The following PSD3 variants were observed in gnomAD, a reference collection of about 807,000 sequenced individuals.
The protein encoded by PSD3 is PH and SEC7 domain-containing protein 3.
PSD3 carries 49 observed loss-of-function variants against 105.5 expected under a neutral mutation model. The ratio of observed to expected loss-of-function variants is 0.46; its 90% confidence interval spans 0.37 to 0.59. PSD3 has a LOEUF of 0.59. Among genes scored for constraint, PSD3 ranks in the 20% least tolerant of loss-of-function variants. The pLI, the probability that PSD3 is intolerant of heterozygous loss-of-function variation, is 0.00. For synonymous variants in PSD3, 557 were observed against 457.8 expected (o/e 1.22, Z -2.77); for missense variants, 1,561 against 1,263.8 (o/e 1.24, Z -3.57).
chr8:18,593,393 T>C (rs1259068620), intron 12 of PSD3, among the ~76,000 whole-genome samples: 1 of 152,188 alleles, frequency 6.6e-6, no homozygotes, highest in Non-Finnish European at 1.5e-5. Context: ...TCACTGGCCA[T>C]CACAGAAATG....
In PSD3 at chr8:18,936,044, A is replaced by C. The variant is rs1165616210; in HGVS notation, c.120T>G (p.Ala40=). The C allele has an allele frequency of 4.4e-6, 7 of 1,607,002 alleles. No individual in the cohort carries two copies. The highest frequency in any genetic ancestry group is 6.0e-6 in the Non-Finnish European group (7 of 1,174,198). The part of the protein sequence containing the change: ...EFLFGRSEGK[A]PDTSDHGGST... ...TGAGGAAATACTTACTAGTATCTGG[A>C]GCTTTCCCTTCAGATCTGCCAAATA... is the stretch of plus-strand genomic sequence containing the variant. The change falls in exon 2 of 16, where the codon GCT becomes GCG. Residue 40 remains alanine, a synonymous_variant. Coordinates refer to ENST00000327040, the MANE Select transcript of PSD3 (RefSeq NM_015310.4).
chr8:18,987,739 A>G (rs1235040349), intron 1 of PSD3, among the ~76,000 whole-genome samples: 1 of 152,118 alleles, frequency 6.6e-6, no homozygotes, highest in Non-Finnish European at 1.5e-5. Flanking sequence ...GAATCACCTG[A>G]GCCCAAGAGG....
At chr8:18,787,489 A>G (rs542350959) in intron 8 of PSD3, among the ~76,000 whole-genome samples, 75 of 152,272 alleles carry the variant, frequency 4.9e-4, no homozygotes, top group African/African-American at 1.8e-3. Flanking sequence ...AATAGATGAC[A>G]AAGTGGAAAG....
At chr8:18,608,669 G>A (rs941113290) in intron 11 of PSD3, among the ~76,000 whole-genome samples, 3 of 152,140 alleles carry the variant, frequency 2.0e-5, no homozygotes, top group Non-Finnish European at 4.4e-5. Flanking sequence ...AACGGGGAAT[G>A]AAAAGACAGT....
chr8:18,639,239 G>A (rs1485520097), intron 10 of PSD3, among the ~76,000 whole-genome samples: 2 of 151,758 alleles, frequency 1.3e-5, no homozygotes, highest in Non-Finnish European at 2.9e-5. Flanking sequence ...TTGCTTTGAA[G>A]TTTTCTACTG....
Position 18,780,130 on chromosome 8 carries a change from T to C in PSD3, c.2083-14592A>G, listed in dbSNP as rs570799928. Among the ~76,000 whole-genome samples, 5 of 152,328 alleles carry C rather than the reference T, an allele frequency of 3.3e-5. No individual in the cohort carries two copies. The South Asian group carries it at 1.0e-3, about 32-fold the overall frequency. On this transcript the variant is annotated intron_variant, in intron 8 of 15. Coordinates refer to ENST00000327040, the MANE Select transcript of PSD3 (RefSeq NM_015310.4). ...GTGTTGGGCGCACAAATATTTAGAATTGTTTAATCTTCTTGCTGAAATGGT... is the reference window on the plus strand; with the variant it reads ...GTGTTGGGCGCACAAATATTTAGAACTGTTTAATCTTCTTGCTGAAATGGT...
intron 1 of PSD3, among the ~76,000 whole-genome samples, chr8:19,061,804 A>C (rs748453530): frequency 1.1e-5 from 1 of 93,092 alleles, no homozygotes; most frequent in Admixed American, 9.4e-5. Context: ...GACTCCGTCT[A>C]AAAAAAAAAA....
intron 9 of PSD3, among the ~76,000 whole-genome samples, chr8:18,759,092 A>ACTCTCTCTCTCT (rs748135836): frequency 3.5e-5 from 5 of 143,922 alleles, no homozygotes; most frequent in African/African-American, 1.3e-4. Flanking sequence ...ACACACACAC[A>ACTCTCTCTCTCT]CTCTCTCTCT....
intron 15 of PSD3, among the ~76,000 whole-genome samples, chr8:18,542,162 C>T (rs1800189874): frequency 6.6e-6 from 1 of 152,160 alleles, no homozygotes; most frequent in African/African-American, 2.4e-5. Context: ...AGTGAGTCCT[C>T]ATTTGGATAA....
intron 9 of PSD3, among the ~76,000 whole-genome samples, chr8:18,693,642 G>A (rs1801099490): frequency 6.6e-6 from 1 of 152,212 alleles, no homozygotes; most frequent in Non-Finnish European, 1.5e-5. Context: ...CAGAGTCGGT[G>A]ACAGAGCCCC....
chr8:18,697,691 G>A (rs1314309327), intron 9 of PSD3, among the ~76,000 whole-genome samples: 1 of 152,126 alleles, frequency 6.6e-6, no homozygotes, highest in South Asian at 2.1e-4. Context: ...CTGTGATTGC[G>A]TGAATTACCT....
intron 1 of PSD3, among the ~76,000 whole-genome samples, chr8:18,949,102 G>A (rs1471355960): frequency 4.6e-4 from 68 of 148,448 alleles, no homozygotes; most frequent in Non-Finnish European, 7.8e-4. Flanking sequence ...GGCCCCTGTA[G>A]TCCCAGCTAC....
intron 1 of PSD3, among the ~76,000 whole-genome samples, chr8:18,996,070 A>G (rs1826065966): frequency 6.6e-6 from 1 of 152,022 alleles, no homozygotes; most frequent in African/African-American, 2.4e-5. Flanking sequence ...ATGTCTGGGA[A>G]ACAACTGGTC....
At chr8:18,734,229 T>TGG (rs1367470654) in intron 9 of PSD3, 4 of 152,234 alleles carry the variant, frequency 2.6e-5, no homozygotes, top group Admixed American at 6.5e-5. Context: ...AATTACTTTT[T>TGG]GTTTCAAAGC....
At chr8:18,604,688 G>C (rs538908069) in intron 11 of PSD3, among the ~76,000 whole-genome samples, 1 of 152,158 alleles carries the variant, frequency 6.6e-6, no homozygotes, top group Non-Finnish European at 1.5e-5. Flanking sequence ...AGCCCCTCTC[G>C]AGGCCTAGGA....
At chr8:18,726,122 C>G (rs766622700) in intron 9 of PSD3, among the ~76,000 whole-genome samples, 7 of 152,210 alleles carry the variant, frequency 4.6e-5, no homozygotes, top group African/African-American at 7.2e-5. Context: ...GAATGTGGTT[C>G]TCTCCTGCCT....
At chr8:18,809,654 G>A (rs1162589780) in intron 4 of PSD3, among the ~76,000 whole-genome samples, 1 of 152,126 alleles carries the variant, frequency 6.6e-6, no homozygotes, top group East Asian at 1.9e-4. Context: ...AAAACTTCCT[G>A]AAATGTTTTT....
At chr8:18,590,780 G>C (rs986356099) in intron 12 of PSD3, among the ~76,000 whole-genome samples, 1 of 152,088 alleles carries the variant, frequency 6.6e-6, no homozygotes, top group Non-Finnish European at 1.5e-5. Flanking sequence ...AAATGAATAT[G>C]TTTATAAATG....
At position 19,081,212 on chromosome 8, in the gene PSD3, G is replaced by A. The variant is rs142390093; in HGVS notation, c.324+2994C>T. Among the ~76,000 whole-genome samples the A allele has an allele frequency of 3.4e-3, 505 of 150,384 alleles. 12 individuals carry two copies. The highest frequency in any genetic ancestry group is 0.031 in the Admixed American group (472 of 15,218). ...GCACCACCCTGAGCTGAGACTCCAC[G>A]TCCCCAACACCTAGGCCTTCACTGC... is the stretch of plus-strand genomic sequence containing the variant. On this transcript the variant is annotated intron_variant, in intron 1 of 1. Transcript: ENST00000521475.
Sources: gnomAD v4.1 joint callset for allele counts (sites outside exome capture counted in the v4.1 genomes callset) on GRCh38, gnomAD v4.1.1 for gene constraint, MANE v1.5 for transcripts, NCBI Gene and HGNC (gene_info 2026-07-23, HGNC 2026-07-21) for gene names.